GCFC2: variants seen among roughly 807,000 people sequenced by gnomAD.
GCFC2 encodes the protein GC-rich sequence DNA-binding factor 2, also known as intron Large complex component GCFC2.
In GCFC2, 102 loss-of-function variants were observed where a neutral mutation model predicts 99.4. That is an observed-to-expected ratio of 1.03 (90% CI 0.87 to 1.21). The LOEUF is 1.21. Among genes scored for constraint, GCFC2 ranks in the 50% most tolerant of loss-of-function variants. The pLI is 0.00. For missense variants in GCFC2, 973 were observed against 920.9 expected, an observed-to-expected ratio of 1.06 and a Z score of -0.73; for synonymous variants, 338 against 316.8, an observed-to-expected ratio of 1.07 and a Z score of -0.71.
chr2:75,683,788 A>AAAAAG (rs1679691005), intron 11 of GCFC2, among the ~76,000 whole-genome samples: 3 of 150,690 alleles, frequency 2.0e-5, no homozygotes, highest in African/African-American at 7.3e-5. Context: ...AAAAAAAAAA[A>AAAAAG]AAAAGAAAAA....
intron 12 of GCFC2, among the ~76,000 whole-genome samples, chr2:75,674,914 T>C (rs1296522578): frequency 6.6e-6 from 1 of 152,208 alleles, no homozygotes; most frequent in Non-Finnish European, 1.5e-5. Context: ...TTAAACATTC[T>C]GAATTCTGTT....
chr2:75,712,401 TCTAA>T (rs1681224436), upstream of GCFC2, among the ~76,000 whole-genome samples: 5 of 152,278 alleles, frequency 3.3e-5, 1 homozygote, highest in East Asian at 9.7e-4. Context: ...AAACTCTGTA[TCTAA>T]CTAATCTGAT....
chr2:75,691,219 G>A (rs1266926143), intron 7 of GCFC2, among the ~76,000 whole-genome samples: 1 of 152,132 alleles, frequency 6.6e-6, no homozygotes, highest in East Asian at 1.9e-4. Flanking sequence ...CACTGTAAGA[G>A]ACTAACAATA....
At chr2:75,677,801 AC>A (rs962490976) in intron 12 of GCFC2, among the ~76,000 whole-genome samples, 17 of 152,106 alleles carry the variant, frequency 1.1e-4, no homozygotes, top group African/African-American at 4.1e-4. Context: ...ATACAGTGAA[AC>A]CCCGTCTCTA....
chr2:75,690,681 C>A lies in GCFC2; in HGVS notation c.1183G>T (p.Asp395Tyr). The A allele has an allele frequency of 1.3e-6, 2 of 1,569,468 alleles. No homozygotes were observed. Among genetic ancestry groups the A allele is most frequent in the Non-Finnish European group, 8.7e-7 (1 of 1,143,208 alleles). Reference sequence around the variant, plus strand: ...TCTAAAATCCACTGAGTTTTTTCATCTACTGAGAAGTTTCCACTTGTGGAT... The same window carrying A: ...TCTAAAATCCACTGAGTTTTTTCATATACTGAGAAGTTTCCACTTGTGGAT... ...ETSTSGNFSV[D>Y]EKTQWILEEI... The change falls in exon 8 of 17, where the codon GAT (aspartate) becomes TAT (tyrosine). Residue 395 changes from aspartate (D) to tyrosine (Y), a missense_variant. Transcript: ENST00000321027.
intron 15 of GCFC2, among the ~76,000 whole-genome samples, chr2:75,667,772 AATGCTGT>A (rs1450356414): frequency 6.6e-6 from 1 of 152,198 alleles, no homozygotes; most frequent in Non-Finnish European, 1.5e-5. Context: ...CTGTGGAAAG[AATGCTGT>A]GTAAATATAT....
chr2:75,695,446 T>A (rs1680266298), intron 5 of GCFC2, among the ~76,000 whole-genome samples: 1 of 152,150 alleles, frequency 6.6e-6, no homozygotes, highest in African/African-American at 2.4e-5. Flanking sequence ...AATTAAAGGC[T>A]TTTTGGTAAT....
chr2:75,701,996 CATT>C (rs1181123590), intron 3 of GCFC2, 200 bp downstream of exon 3: 1 of 1,345,182 alleles, frequency 7.4e-7, no homozygotes, highest in Non-Finnish European at 9.5e-7. Context: ...CATTAATAAA[CATT>C]ATTACACATA....
rs1481802529 is a variant in GCFC2, at chr2:75,663,197, T to C, written c.*1469A>G. The C allele has an allele frequency of 6.6e-6, 1 of 152,202 alleles. No individual in the cohort carries two copies. Among genetic ancestry groups the C allele is most frequent in the East Asian group, 1.9e-4 (1 of 5,202 alleles). 9.4% of individuals were successfully genotyped at this position (152,202 alleles called of 1,614,324 possible). On this transcript the variant is annotated 3_prime_UTR_variant, in exon 17 of 17. Transcript: ENST00000321027. ...AATCCAACTCCTAAAATAAATTATA[T>C]GTAGTTTTGAAGGTAGAGGTGACAT...
intron 12 of GCFC2, 96 bp from the exon 13 acceptor site, chr2:75,673,616 C>A: frequency 1.5e-6 from 1 of 648,296 alleles, no homozygotes. Context: ...TTTATCCACA[C>A]TCACATAACC....
chr2:75,710,669 C>A lies in GCFC2; in HGVS notation c.187G>T (p.Gly63Cys). 6.6e-7 allele frequency: 1 copy of A among 1,521,316 alleles called. No individual in the cohort carries two copies. Among genetic ancestry groups the A allele is most frequent in the South Asian group, 1.2e-5 (1 of 82,514 alleles). The allele number at this position is 1,521,316 out of a possible 1,614,324, so 94.2% of individuals were successfully genotyped here. ...CAGACCCGGCCCCGGCCACGAGGGC[C>A]CCGAACCCGGTGGGGCAGTCCCGCC... is the stretch of plus-strand genomic sequence containing the variant. ...QVAGLPHRVR[G>C]PRGRGRVWAS... is the part of the protein sequence containing the mutation. The change falls in exon 1 of 17, where the codon GGC (glycine) becomes TGC (cysteine). Residue 63 changes from glycine (G) to cysteine (C), a missense_variant. Gly to Cys is a radical substitution (Grantham distance 159). Coordinates refer to ENST00000321027, the MANE Select transcript of GCFC2 (RefSeq NM_003203.5).
intron 12 of GCFC2, chr2:75,679,725 T>C (rs1156294612): frequency 1.3e-5 from 5 of 398,506 alleles, no homozygotes; most frequent in Non-Finnish European, 2.2e-5. Context: ...TGTCTTCCTT[T>C]AGAAGAAATG....
Position 75,666,003 on chromosome 2 carries a change from T to C in GCFC2, c.2154A>G (p.Thr718=). The C allele has an allele frequency of 1.2e-6, 2 of 1,603,880 alleles. No homozygotes were observed. The highest frequency in any genetic ancestry group is 1.1e-5 in the South Asian group (1 of 90,648). ...TGAAGTTTTCTAGCTGTGGAATAGA[T>C]GTCCTCATGGCAGAATTTTCAAACC... The part of the protein sequence containing the change: ...EKWFENSAMR[T]SIPQLENFIQ... Residue 718 remains threonine (T), a synonymous_variant, in exon 16 of 17, where the codon ACA becomes ACG. Transcript: ENST00000321027.
rs539378752 is a variant in GCFC2 at position 75,684,447 on chromosome 2, C to G, written c.1690+3380G>C. ...TGAAACCATGAGAACAAACACACAACGTACCAGAATCCCTGGGACACATTT... is the reference window on the plus strand; with the variant it reads ...TGAAACCATGAGAACAAACACACAAGGTACCAGAATCCCTGGGACACATTT... On this transcript the variant is annotated intron_variant, in intron 11 of 16. Coordinates refer to ENST00000321027, the MANE Select transcript of GCFC2 (RefSeq NM_003203.5). Among the ~76,000 whole-genome samples the G allele has an allele frequency of 2.6e-5, 4 of 152,282 alleles. No homozygotes were observed. The South Asian group carries it at 8.3e-4, about 32-fold the overall frequency.
At position 75,702,433 on chromosome 2, in the gene GCFC2, A is replaced by G; in HGVS notation, c.395-10T>C. ...GCATCTGGGATCTTAACTGAAGGAA[A>G]CAAAGACGAGGACACTAAAAACCAA... On this transcript the variant is annotated splice_polypyrimidine_tract_variant and intron_variant, in intron 2 of 16. Transcript: ENST00000321027. 1 of 1,608,832 alleles carries G rather than the reference A, an allele frequency of 6.2e-7. No homozygotes were observed. The highest frequency in any genetic ancestry group is 1.7e-5 in the Admixed American group (1 of 59,386).
At chr2:75,672,615 G>A (rs939829859) in intron 13 of GCFC2, among the ~76,000 whole-genome samples, 1 of 152,004 alleles carries the variant, frequency 6.6e-6, no homozygotes, top group East Asian at 1.9e-4. Flanking sequence ...GCAAAGTTAT[G>A]ATCATACATC....
At chr2:75,687,688 A>T in intron 11 of GCFC2, 139 bp downstream of exon 11, 1 of 687,908 alleles carries the variant, frequency 1.5e-6, no homozygotes, top group Non-Finnish European at 2.4e-6. Flanking sequence ...TACATTTGAC[A>T]GCTGTTGATT....
At chr2:75,675,741 CAAAA>C (rs1206357027) in intron 12 of GCFC2, among the ~76,000 whole-genome samples, 1 of 70,270 alleles carries the variant, frequency 1.4e-5, no homozygotes, top group Non-Finnish European at 3.7e-5. Context: ...AAGGTTCTGT[CAAAA>C]AAAAAAAAAA....
chr2:75,711,265 C>A, upstream of GCFC2: 1 of 953,744 alleles, frequency 1.0e-6, no homozygotes, highest in Non-Finnish European at 1.2e-6. Flanking sequence ...GAGAGTGCCC[C>A]CTCCAACCAA....
Sources: gnomAD v4.1 joint callset for allele counts (sites outside exome capture counted in the v4.1 genomes callset) on GRCh38, gnomAD v4.1.1 for gene constraint, MANE v1.5 for transcripts, NCBI Gene and HGNC (gene_info 2026-07-23, HGNC 2026-07-21) for gene names.